Variants in CALN1 observed in about 807,000 individuals in gnomAD.
CALN1 encodes calneuron 1, also known as calcium-binding protein 8.
In CALN1, 17 loss-of-function variants were observed where a neutral mutation model predicts 30.6. That is an observed-to-expected ratio of 0.56 (90% CI 0.38 to 0.83). The LOEUF (loss-of-function observed/expected upper bound fraction) is 0.83. Among genes scored for constraint, CALN1 ranks in the 40% least tolerant of loss-of-function variants. CALN1 has a pLI of 0.00. For missense variants in CALN1, 291 were observed against 354.9 expected, an observed-to-expected ratio of 0.82 and a Z score of 1.45; for synonymous variants, 156 against 131.4, an observed-to-expected ratio of 1.19 and a Z score of -1.28.
chr7:71,833,944 C>T (rs1299836519), intron 5 of CALN1, among the ~76,000 whole-genome samples: 1 of 151,984 alleles, frequency 6.6e-6, no homozygotes, highest in Admixed American at 6.6e-5. Flanking sequence ...GTTAAATTGG[C>T]CCGGCGCAGT....
At chr7:71,928,728 C>T (rs1023722223) in intron 5 of CALN1, among the ~76,000 whole-genome samples, 10 of 152,066 alleles carry the variant, frequency 6.6e-5, no homozygotes, top group East Asian at 1.9e-4. Context: ...ACACTTTTAT[C>T]GCCGCAAAAA....
the CALN1 span, among the ~76,000 whole-genome samples, chr7:72,487,414 G>A: frequency 9.2e-5 from 14 of 151,904 alleles, no homozygotes; most frequent in Non-Finnish European, 1.8e-4. Flanking sequence ...GGCCAGGTGC[G>A]GTGGCTCATG....
At chr7:72,241,704 C>G (rs1208106109) in intron 3 of CALN1, among the ~76,000 whole-genome samples, 1 of 151,278 alleles carries the variant, frequency 6.6e-6, no homozygotes, top group Non-Finnish European at 1.5e-5. Flanking sequence ...GAAACTCCAT[C>G]TCAAAACAAA....
chr7:72,118,447 A>G (rs1358512104), intron 3 of CALN1, among the ~76,000 whole-genome samples: 2 of 152,250 alleles, frequency 1.3e-5, no homozygotes, highest in Non-Finnish European at 2.9e-5. Context: ...CAAGATAGTC[A>G]GAAAGCTAGA....
rs771361449 is a variant in CALN1, at chr7:72,200,033, T to C, written c.244+78653A>G. Among the ~76,000 whole-genome samples, 37 of 152,160 alleles carry C rather than the reference T, an allele frequency of 2.4e-4. 2 individuals carry two copies. The highest frequency in any genetic ancestry group is 1.6e-3 in the Admixed American group (24 of 15,272). The stretch of plus-strand genomic sequence containing the variant: ...CCCCCTTCAATCTTCAAAGAAGAAA[T>C]GGACTTTGCAGCTTCTATGGCAGTC... On this transcript the variant is annotated intron_variant, in intron 3 of 6. Coordinates refer to ENST00000395275, the MANE Select transcript of CALN1 (RefSeq NM_031468.4).
At chr7:71,800,672 A>C (rs1787246636) in intron 6 of CALN1, among the ~76,000 whole-genome samples, 1 of 152,132 alleles carries the variant, frequency 6.6e-6, no homozygotes, top group Admixed American at 6.6e-5. Context: ...CGGGTGATGA[A>C]GCACCGTTTC....
chr7:72,266,195 G>C (rs1796586146), intron 3 of CALN1, among the ~76,000 whole-genome samples: 2 of 151,882 alleles, frequency 1.3e-5, no homozygotes, highest in Admixed American at 1.3e-4. Flanking sequence ...AGAAAGTCTA[G>C]TATGAGCACC....
Position 72,210,651 on chromosome 7 carries a change from A to C in CALN1, c.244+68035T>G, listed in dbSNP as rs528149740. On this transcript the variant is annotated intron_variant, in intron 3 of 6. Coordinates refer to ENST00000395275, the MANE Select transcript of CALN1 (RefSeq NM_031468.4). ...TACCAAACACTTAAAAAAACAGCAG[A>C]TCTCATAAGAACTCACTATCACAAG... Among the ~76,000 whole-genome samples, 5 of 152,184 alleles carry C rather than the reference A, an allele frequency of 3.3e-5. No individual in the cohort carries two copies. The South Asian group carries it at 1.0e-3, about 32-fold the overall frequency.
At chr7:72,156,875 T>A (rs570292515) in intron 3 of CALN1, among the ~76,000 whole-genome samples, 12 of 152,230 alleles carry the variant, frequency 7.9e-5, no homozygotes, top group African/African-American at 2.4e-4. Context: ...GGCAGAGACT[T>A]CAAATCACAA....
intron 5 of CALN1, among the ~76,000 whole-genome samples, chr7:71,891,634 G>T (rs1793244890): frequency 6.6e-6 from 1 of 152,190 alleles, no homozygotes; most frequent in South Asian, 2.1e-4. Flanking sequence ...TTTGTAAAGT[G>T]CTTTCCTAGC....
At chr7:72,216,466 G>A (rs992663880) in intron 3 of CALN1, among the ~76,000 whole-genome samples, 1 of 151,994 alleles carries the variant, frequency 6.6e-6, no homozygotes, top group Non-Finnish European at 1.5e-5. Context: ...TAGGTCTGGG[G>A]ATTAGGAGGT....
chr7:71,991,848 AT>A (rs1360965941), intron 5 of CALN1, among the ~76,000 whole-genome samples: 1 of 152,198 alleles, frequency 6.6e-6, no homozygotes, highest in African/African-American at 2.4e-5. Context: ...CAAAAAACTG[AT>A]TTGATTTGAT....
At chr7:72,368,454 C>T (rs1028664533) in intron 2 of CALN1, among the ~76,000 whole-genome samples, 13 of 151,876 alleles carry the variant, frequency 8.6e-5, no homozygotes, top group African/African-American at 3.1e-4. Flanking sequence ...ACTTTGGCTT[C>T]TTTTTGTGTG....
At chr7:72,290,673 C>G (rs942109573) in intron 2 of CALN1, among the ~76,000 whole-genome samples, 1 of 152,158 alleles carries the variant, frequency 6.6e-6, no homozygotes, top group Non-Finnish European at 1.5e-5. Flanking sequence ...TCTTTAAACT[C>G]TTTTTAATTG....
intron 3 of CALN1, among the ~76,000 whole-genome samples, chr7:72,218,763 G>A (rs185487318): frequency 2.6e-5 from 4 of 152,344 alleles, no homozygotes; most frequent in South Asian, 2.1e-4. Flanking sequence ...TCTTATGGAC[G>A]TTAATGAATG....
chr7:72,047,149 CA>C (rs1802522678), intron 4 of CALN1, among the ~76,000 whole-genome samples: 1 of 152,050 alleles, frequency 6.6e-6, no homozygotes, highest in South Asian at 2.1e-4. Context: ...CTTTAATGTA[CA>C]AAAACAAAAT....
Position 72,375,418 on chromosome 7 carries a change from A to G in CALN1, c.119+27833T>C, listed in dbSNP as rs1399634534. On this transcript the variant is annotated intron_variant, in intron 2 of 6. Coordinates refer to ENST00000395275, the MANE Select transcript of CALN1 (RefSeq NM_031468.4). ...GCTCTGCAAAAAAATAAAACAGATTAGTCAAGTGTGGTGGTGCACACCTGT... is the reference window on the plus strand; with the variant it reads ...GCTCTGCAAAAAAATAAAACAGATTGGTCAAGTGTGGTGGTGCACACCTGT... Among the ~76,000 whole-genome samples, 4 of 152,098 alleles carry G rather than the reference A, an allele frequency of 2.6e-5. No homozygotes were observed. In the East Asian group the frequency reaches 7.8e-4, roughly 30 times the overall value.
intron 2 of CALN1, among the ~76,000 whole-genome samples, chr7:72,294,279 AAAT>A (rs1230642678): frequency 1.3e-5 from 2 of 152,304 alleles, no homozygotes; most frequent in African/African-American, 4.8e-5. Flanking sequence ...ATGTAATAGA[AAAT>A]AAAGTTCTCA....
intron 2 of CALN1, among the ~76,000 whole-genome samples, chr7:72,331,122 G>C (rs1043283182): frequency 3.3e-5 from 5 of 152,140 alleles, no homozygotes; most frequent in Non-Finnish European, 5.9e-5. Flanking sequence ...GGCCAAGGCA[G>C]GTAGATTACC....
Sources: allele counts gnomAD v4.1 joint callset (sites outside exome capture counted in the v4.1 genomes callset), GRCh38; gene constraint gnomAD v4.1.1; transcripts MANE v1.5; gene names NCBI Gene and HGNC (gene_info 2026-07-23, HGNC 2026-07-21).